Variants in NOC3L observed in about 807,000 individuals in gnomAD.
The protein encoded by NOC3L is NOC3 like DNA replication regulator.
A neutral mutation model predicts 102.5 loss-of-function variants in NOC3L; 85 were observed. That is an observed-to-expected ratio of 0.83 (90% CI 0.70 to 0.99). NOC3L has a LOEUF of 0.99. NOC3L is among the 50% of genes least tolerant of loss of function. NOC3L has a pLI of 0.00. For synonymous variants in NOC3L, 303 were observed against 309.4 expected, an observed-to-expected ratio of 0.98 and a Z score of 0.22; for missense variants, 878 against 914.9, an observed-to-expected ratio of 0.96 and a Z score of 0.52.
chr10:94,318,667 G>A, the NOC3L span, among the ~76,000 whole-genome samples: 2 of 152,166 alleles, frequency 1.3e-5, no homozygotes, highest in African/African-American at 4.8e-5. Context: ...CAGTGGGTAG[G>A]CTAGAGGGAA....
downstream of NOC3L, chr10:94,329,732 C>A (rs528688909): frequency 7.6e-6 from 1 of 132,414 alleles, no homozygotes; most frequent in African/African-American, 2.9e-5. Context: ...GAGCCAAGAT[C>A]GCACCACCAC....
At chr10:94,355,391 C>CTT (rs200203754) in intron 5 of NOC3L, among the ~76,000 whole-genome samples, 3 of 139,620 alleles carry the variant, frequency 2.1e-5, no homozygotes, top group Admixed American at 7.2e-5. Context: ...GATTCTAGAA[C>CTT]TTTTTTTTTT....
intron 8 of NOC3L, among the ~76,000 whole-genome samples, chr10:94,350,914 G>C (rs2054408345): frequency 6.6e-6 from 1 of 151,558 alleles, no homozygotes. Context: ...TTTGAACTTA[G>C]TACTAAAAAA....
chr10:94,347,429 T>G (rs1025202945), intron 10 of NOC3L, among the ~76,000 whole-genome samples: 7 of 152,196 alleles, frequency 4.6e-5, no homozygotes, highest in Admixed American at 4.6e-4. Flanking sequence ...AATCAAATGA[T>G]GTAGTTTTTA....
Position 94,339,914 on chromosome 10 carries a change from G to T in NOC3L, c.1787C>A (p.Thr596Asn), listed in dbSNP as rs2054262455. The T allele has an allele frequency of 9.3e-6, 15 of 1,612,936 alleles. No homozygotes were observed. The East Asian group carries it at 3.1e-4, about 34-fold the overall frequency. ...KTLFKLHAGA[T>N]NEGVEIVLQC... The stretch of plus-strand genomic sequence containing the variant: ...GAGTACAATCTCAACACCTTCATTG[G>T]TAGCACCTAAAACAGCAGACATATT... The change falls in exon 17 of 21, where the codon ACC (threonine) becomes AAC (asparagine). Residue 596 changes from threonine to asparagine, a missense_variant. Transcript: ENST00000371361.
chr10:94,344,632 G>A, intron 12 of NOC3L, 117 bp from the exon 13 acceptor site: 1 of 718,788 alleles, frequency 1.4e-6, no homozygotes, highest in South Asian at 1.9e-5. Flanking sequence ...TCCCCACAAT[G>A]CAATCTTTGA....
the NOC3L span, among the ~76,000 whole-genome samples, chr10:94,322,750 G>T: frequency 6.6e-6 from 1 of 151,348 alleles, no homozygotes; most frequent in South Asian, 2.1e-4. Context: ...ATGCCATTGC[G>T]CGTCAGCCTG....
chr10:94,345,199 G>T (rs1275134328), intron 11 of NOC3L, among the ~76,000 whole-genome samples: 1 of 151,518 alleles, frequency 6.6e-6, no homozygotes, highest in Non-Finnish European at 1.5e-5. Flanking sequence ...TTCTTTTCCA[G>T]GAAAAAAACT....
chr10:94,356,273 GTAA>G (rs1480507727), intron 5 of NOC3L, among the ~76,000 whole-genome samples: 2 of 152,158 alleles, frequency 1.3e-5, no homozygotes, highest in Non-Finnish European at 2.9e-5. Context: ...ATTCAGAACA[GTAA>G]TAATTAACAA....
At chr10:94,325,049 C>T in the NOC3L span, 1 of 1,614,188 alleles carries the variant, frequency 6.2e-7, no homozygotes. Context: ...GGTGGCTTGT[C>T]CTCCAGTGAC....
At chr10:94,315,769 C>CAAA in the NOC3L span, among the ~76,000 whole-genome samples, 1 of 122,868 alleles carries the variant, frequency 8.1e-6, no homozygotes, top group South Asian at 2.8e-4. Flanking sequence ...GACTCTGTCT[C>CAAA]AAAAAAAAAA....
rs2054487253 is a variant in NOC3L at position 94,356,552 on chromosome 10, TCTTC to T, written c.544_547del (p.Glu182ArgfsTer16). 6.3e-7 allele frequency: 1 copy of T among 1,584,034 alleles called. No homozygotes were observed. The highest frequency in any genetic ancestry group is 1.3e-5 in the African/African-American group (1 of 74,294). ...CATATTACCTTCCTCAAGTTCCCTC[TCTTC>T]TTCTTGATCCTCTTCATCTTTGTTA... On this transcript the variant is annotated frameshift_variant, in exon 5 of 21. Transcript: ENST00000371361. LOFTEE classifies it high-confidence loss of function.
At chr10:94,321,380 C>T in the NOC3L span, among the ~76,000 whole-genome samples, 46,399 of 152,168 alleles carry the variant, frequency 0.3, 7,365 homozygotes, top group Middle Eastern at 0.47. Flanking sequence ...ACACCTGTAA[C>T]CCTGGTACTT....
chr10:94,352,028 A>G (rs1359122423), intron 8 of NOC3L, among the ~76,000 whole-genome samples: 1 of 152,222 alleles, frequency 6.6e-6, no homozygotes, highest in Non-Finnish European at 1.5e-5. Flanking sequence ...AAAGCACCTC[A>G]TATCTACAAA....
intron 12 of NOC3L, 70 bp from the exon 13 acceptor site, chr10:94,344,585 T>C: frequency 7.4e-6 from 8 of 1,079,778 alleles, no homozygotes; most frequent in Non-Finnish European, 1.1e-5. Flanking sequence ...AGCATAAGTA[T>C]CACTTCAACA....
the NOC3L span, among the ~76,000 whole-genome samples, chr10:94,320,412 G>A: frequency 2.6e-5 from 4 of 152,204 alleles, no homozygotes; most frequent in Non-Finnish European, 5.9e-5. Context: ...TTAATTAAAT[G>A]ATTGGGGCAA....
At chr10:94,315,932 AC>A in the NOC3L span, among the ~76,000 whole-genome samples, 1 of 152,022 alleles carries the variant, frequency 6.6e-6, no homozygotes, top group African/African-American at 2.4e-5. Flanking sequence ...TAAGTATCTT[AC>A]CCAATAATTC....
chr10:94,324,912 G>C, the NOC3L span: 1 of 1,614,132 alleles, frequency 6.2e-7, no homozygotes, highest in Non-Finnish European at 8.5e-7. Flanking sequence ...AAGATAAAAA[G>C]AAAGGCATTT....
At chr10:94,323,231 C>T in the NOC3L span, among the ~76,000 whole-genome samples, 1 of 152,204 alleles carries the variant, frequency 6.6e-6, no homozygotes, top group Non-Finnish European at 1.5e-5. Flanking sequence ...TACATGGTTT[C>T]AGAGAAGTTT....
Sources: allele counts gnomAD v4.1 joint callset (sites outside exome capture counted in the v4.1 genomes callset), GRCh38; gene constraint gnomAD v4.1.1; transcripts MANE v1.5; gene names NCBI Gene and HGNC (gene_info 2026-07-23, HGNC 2026-07-21).